MKLN1: variants seen among roughly 807,000 people sequenced by gnomAD.
MKLN1 encodes the protein muskelin 1.
Under a neutral mutation model 99.0 loss-of-function variants are expected in MKLN1, and 18 were observed. The observed-to-expected ratio is 0.18, with a 90% CI of 0.13 to 0.27. The LOEUF (loss-of-function observed/expected upper bound fraction) is 0.27, where lower values mean the gene tolerates loss of function less well. Ranked by LOEUF, MKLN1 falls within the 10% of genes least tolerant of loss-of-function variation. MKLN1 has a pLI of 1.00. For missense variants in MKLN1, 621 were observed against 875.9 expected, an observed-to-expected ratio of 0.71 and a Z score of 3.67; for synonymous variants, 288 against 293.2, an observed-to-expected ratio of 0.98 and a Z score of 0.18.
chr7:131,293,206 C>T (rs1185469950), intron 3 of MKLN1, among the ~76,000 whole-genome samples: 4 of 152,134 alleles, frequency 2.6e-5, no homozygotes, highest in Non-Finnish European at 5.9e-5. Context: ...GAACTGAGCC[C>T]AGCCATCCCA....
intron 2 of MKLN1, among the ~76,000 whole-genome samples, chr7:131,175,717 T>C (rs1424641112): frequency 1.3e-5 from 2 of 152,196 alleles, no homozygotes; most frequent in Non-Finnish European, 2.9e-5. Context: ...CTGGCCAATA[T>C]GGTGAAACCC....
intron 3 of MKLN1, among the ~76,000 whole-genome samples, chr7:131,230,224 T>C (rs1399193014): frequency 6.6e-6 from 1 of 152,176 alleles, no homozygotes; most frequent in African/African-American, 2.4e-5. Flanking sequence ...AATATTAATA[T>C]GGGTCAGTTG....
At chr7:131,114,807 C>T (rs1336506615) in intron 1 of MKLN1, among the ~76,000 whole-genome samples, 2 of 151,972 alleles carry the variant, frequency 1.3e-5, no homozygotes, top group Non-Finnish European at 2.9e-5. Context: ...TGTAGTGGCA[C>T]ACACCTGTAG....
At chr7:131,353,264 G>A (rs1183776112) in intron 1 of MKLN1, among the ~76,000 whole-genome samples, 3 of 152,074 alleles carry the variant, frequency 2.0e-5, no homozygotes, top group Non-Finnish European at 4.4e-5. Context: ...ATCCTTGTGA[G>A]CATTTGGTGT....
At chr7:131,302,901 T>C (rs1401872173) in intron 3 of MKLN1, among the ~76,000 whole-genome samples, 1 of 152,202 alleles carries the variant, frequency 6.6e-6, no homozygotes, top group East Asian at 1.9e-4. Context: ...GAAGGTCAGC[T>C]GGCTGGTCGC....
At chr7:131,428,947 G>T in intron 8 of MKLN1, 86 bp from the exon 9 acceptor site, 1 of 934,454 alleles carries the variant, frequency 1.1e-6, no homozygotes. Context: ...AGCTTCTTAA[G>T]TGGCCTTAGA....
chr7:131,483,540 A>G (rs1427693339), intron 17 of MKLN1, among the ~76,000 whole-genome samples: 1 of 152,244 alleles, frequency 6.6e-6, no homozygotes, highest in Non-Finnish European at 1.5e-5. Flanking sequence ...TTGATTCACT[A>G]ACATTAAGTT....
rs139097787 is a variant in MKLN1, at chr7:131,360,988, T to C, written c.99-14436T>C. Among the ~76,000 whole-genome samples the C allele has an allele frequency of 1.5e-3, 228 of 152,278 alleles. 1 individual carries two copies. The East Asian group carries it at 0.023, about 15-fold the overall frequency. ...TATTTCGTTCCCACTCTTTTCTTGC[T>C]TGCATAGTTTCTGATGAGAAATCCA... On this transcript the variant is annotated intron_variant, in intron 1 of 17. Coordinates refer to ENST00000352689, the MANE Select transcript of MKLN1 (RefSeq NM_013255.5).
intron 3 of MKLN1, among the ~76,000 whole-genome samples, chr7:131,248,332 A>T (rs1326715675): frequency 6.6e-6 from 1 of 152,176 alleles, no homozygotes; most frequent in Non-Finnish European, 1.5e-5. Context: ...ACTGGCAAAA[A>T]TGTAACTCTC....
At chr7:131,279,492 T>TA (rs916079258) in intron 3 of MKLN1, among the ~76,000 whole-genome samples, 11 of 152,214 alleles carry the variant, frequency 7.2e-5, no homozygotes, top group Admixed American at 4.6e-4. Flanking sequence ...TCACATACCA[T>TA]AAAAAAAGTT....
intron 3 of MKLN1, among the ~76,000 whole-genome samples, chr7:131,225,303 G>A (rs1184042469): frequency 6.6e-6 from 1 of 152,168 alleles, no homozygotes; most frequent in Non-Finnish European, 1.5e-5. Flanking sequence ...TGGAAGGAGG[G>A]AAGATATCTC....
At chr7:131,404,431 C>T (rs1426338833) in intron 6 of MKLN1, among the ~76,000 whole-genome samples, 2 of 152,038 alleles carry the variant, frequency 1.3e-5, no homozygotes, top group Non-Finnish European at 2.9e-5. Context: ...GGCTATCCTC[C>T]TGCCTCCTGA....
intron 1 of MKLN1, among the ~76,000 whole-genome samples, chr7:131,333,929 C>CT (rs1799173076): frequency 6.6e-6 from 1 of 152,122 alleles, no homozygotes; most frequent in Admixed American, 6.5e-5. Flanking sequence ...GTAGACTACT[C>CT]TGAGTTCATT....
chr7:131,465,195 TATTTAA>T (rs1339076840), intron 14 of MKLN1, among the ~76,000 whole-genome samples: 10 of 152,088 alleles, frequency 6.6e-5, no homozygotes, highest in Admixed American at 2.0e-4. Context: ...TTTTAGGAAA[TATTTAA>T]ATTTAAATTT....
At chr7:131,265,950 GA>G (rs1197941482) in intron 3 of MKLN1, among the ~76,000 whole-genome samples, 1 of 152,106 alleles carries the variant, frequency 6.6e-6, no homozygotes, top group Non-Finnish European at 1.5e-5. Flanking sequence ...AAGGCCAGTG[GA>G]TCACATGAGG....
chr7:131,308,833 C>T (rs763844083), intron 3 of MKLN1, among the ~76,000 whole-genome samples: 4 of 152,218 alleles, frequency 2.6e-5, no homozygotes, highest in Non-Finnish European at 5.9e-5. Flanking sequence ...GATCCACCCA[C>T]CTTGGCCTCC....
At chr7:131,165,895 G>T (rs1796115926) in intron 2 of MKLN1, among the ~76,000 whole-genome samples, 1 of 152,146 alleles carries the variant, frequency 6.6e-6, no homozygotes, top group Admixed American at 6.5e-5. Flanking sequence ...CAGTCAGATC[G>T]CTTGAGCCCA....
At chr7:131,437,229 C>T (rs1795700200) in intron 9 of MKLN1, among the ~76,000 whole-genome samples, 1 of 152,040 alleles carries the variant, frequency 6.6e-6, no homozygotes, top group Non-Finnish European at 1.5e-5. Context: ...CCCCCTGACC[C>T]CCACCCCTCG....
intron 2 of MKLN1, among the ~76,000 whole-genome samples, chr7:131,160,477 T>TTTA (rs907060000): frequency 9.2e-5 from 13 of 141,172 alleles, no homozygotes; most frequent in Non-Finnish European, 1.5e-4. Flanking sequence ...TTTAACTTAT[T>TTTA]TTATTATTAT....
Sources: allele counts gnomAD v4.1 joint callset (sites outside exome capture counted in the v4.1 genomes callset), GRCh38; gene constraint gnomAD v4.1.1; transcripts MANE v1.5; gene names NCBI Gene and HGNC (gene_info 2026-07-23, HGNC 2026-07-21).